Variants in SEC14L4 observed in about 807,000 individuals in gnomAD.
SEC14L4 encodes the protein SEC14-like protein 4.
In SEC14L4, 42 loss-of-function variants were observed where a neutral mutation model predicts 55.1. The observed-to-expected ratio is 0.76, with a 90% confidence interval of 0.60 to 0.99. The LOEUF (loss-of-function observed/expected upper bound fraction) is 0.99, where lower values mean the gene tolerates loss of function less well. SEC14L4 is among the 50% of genes least tolerant of loss of function. The pLI is 0.00. For missense variants in SEC14L4, 445 were observed against 512.1 expected (o/e 0.87, Z 1.27); for synonymous variants, 206 against 206.8 (o/e 1.00, Z 0.03).
intron 11 of SEC14L4, among the ~76,000 whole-genome samples, chr22:30,491,224 G>A (rs1935939729): frequency 6.6e-6 from 1 of 152,170 alleles, no homozygotes; most frequent in South Asian, 2.1e-4. Flanking sequence ...TCACCTCTTT[G>A]GGACTCCTGG....
intron 2 of SEC14L4, among the ~76,000 whole-genome samples, chr22:30,502,410 T>G (rs1419660210): frequency 1.3e-5 from 2 of 152,200 alleles, no homozygotes; most frequent in Non-Finnish European, 2.9e-5. Context: ...CTCTGCCCAA[T>G]TCCAAAGCCA....
intron 3 of SEC14L4, 81 bp downstream of exon 3, chr22:30,495,847 G>T: frequency 6.3e-7 from 1 of 1,590,642 alleles, no homozygotes; most frequent in Non-Finnish European, 8.6e-7. Flanking sequence ...ATGGGACAGG[G>T]CCAGAGTCTC....
intron 8 of SEC14L4, 67 bp from the exon 9 acceptor site, chr22:30,492,222 A>T (rs1935986738): frequency 6.4e-7 from 1 of 1,550,966 alleles, no homozygotes; most frequent in Middle Eastern, 2.0e-4. Flanking sequence ...GAGGGGGCTG[A>T]GCTTGGTGAG....
chr22:30,502,741 A>G (rs1453135737), intron 2 of SEC14L4, among the ~76,000 whole-genome samples: 1 of 151,600 alleles, frequency 6.6e-6, no homozygotes, highest in Non-Finnish European at 1.5e-5. Context: ...TGTAGAGATG[A>G]GGTTTCGCCA....
intron 2 of SEC14L4, among the ~76,000 whole-genome samples, chr22:30,498,010 A>G (rs536993032): frequency 3.9e-5 from 6 of 151,906 alleles, no homozygotes; most frequent in African/African-American, 1.4e-4. Context: ...GCAGTTCTAT[A>G]TACTTCAGAG....
Position 30,492,459 on chromosome 22 carries a change from G to C in SEC14L4, c.664+15C>G. Reference sequence around the variant, plus strand: ...CCCAGGCAGATGGACACAACCAGGGGGCCACGTCGCTCACCTCCCAGAATC... The same window carrying C: ...CCCAGGCAGATGGACACAACCAGGGCGCCACGTCGCTCACCTCCCAGAATC... On this transcript the variant is annotated intron_variant, in intron 8 of 11. Coordinates refer to ENST00000255858, the MANE Select transcript of SEC14L4 (RefSeq NM_174977.4). 6.2e-7 allele frequency: 1 copy of C among 1,606,790 alleles called. No individual in the cohort carries two copies.
At chr22:30,505,480 G>T in intron 1 of SEC14L4, 78 bp downstream of exon 1, 1 of 1,394,492 alleles carries the variant, frequency 7.2e-7, no homozygotes, top group South Asian at 1.2e-5. Context: ...TCTGTACCAT[G>T]GGGGCTCCAG....
Position 30,495,275 on chromosome 22 carries a change from C to G in SEC14L4, c.402G>C (p.Glu134Asp), listed in dbSNP as rs145035807. 3.7e-6 allele frequency: 6 copies of G among 1,611,996 alleles called. No individual in the cohort carries two copies. In the African/African-American group the frequency reaches 5.3e-5, roughly 14 times the overall value. ...RIKVCELLLH[E>D]CELQTQKLGR... ...TCACCTTCTGAGTTTGCAGCTCACA[C>G]TCATGCAACAGCAGCTCACAGACTT... The change falls in exon 5 of 12, where the codon GAG becomes GAC. Residue 134 changes from glutamate to aspartate, a missense_variant. By Grantham distance (45) the Glu-to-Asp change is conservative (BLOSUM62 2). Coordinates refer to ENST00000255858, the MANE Select transcript of SEC14L4 (RefSeq NM_174977.4).
intron 11 of SEC14L4, among the ~76,000 whole-genome samples, chr22:30,490,892 G>A (rs1344790082): frequency 6.6e-6 from 1 of 152,168 alleles, no homozygotes; most frequent in Non-Finnish European, 1.5e-5. Flanking sequence ...TACATAAGCC[G>A]CTTTCCGTCT....
intron 1 of SEC14L4, among the ~76,000 whole-genome samples, chr22:30,504,300 C>T (rs1936425646): frequency 6.6e-6 from 1 of 150,408 alleles, no homozygotes; most frequent in African/African-American, 2.4e-5. Context: ...AACAATCCAC[C>T]CGCCTTAGTA....
chr22:30,497,762 A>G (rs1048899585), intron 2 of SEC14L4, among the ~76,000 whole-genome samples: 4 of 152,174 alleles, frequency 2.6e-5, no homozygotes, highest in African/African-American at 9.6e-5. Flanking sequence ...AAGTTCACCT[A>G]TGCGATCTTT....
intron 4 of SEC14L4, 49 bp from the exon 5 acceptor site, chr22:30,495,491 T>A: frequency 6.2e-7 from 1 of 1,609,156 alleles, no homozygotes; most frequent in South Asian, 1.1e-5. Context: ...CCAGGCTGGG[T>A]CCCTACTCCA....
At chr22:30,491,329 C>T (rs1368047418) in intron 11 of SEC14L4, 2 of 564,098 alleles carry the variant, frequency 3.5e-6, no homozygotes, top group Non-Finnish European at 3.1e-6. Flanking sequence ...GTCCAGTGAT[C>T]CCGGTATAGG....
chr22:30,491,986 G>A lies in SEC14L4; in HGVS notation c.772-13C>T, dbSNP rs1035241256. 5.0e-6 allele frequency: 8 copies of A among 1,613,816 alleles called. No homozygotes were observed. Among genetic ancestry groups the A allele is most frequent in the African/African-American group, 1.3e-5 (1 of 74,918 alleles). On this transcript the variant is annotated splice_polypyrimidine_tract_variant and intron_variant, in intron 9 of 11. Coordinates refer to ENST00000255858, the MANE Select transcript of SEC14L4 (RefSeq NM_174977.4). The stretch of plus-strand genomic sequence containing the variant: ...CCCCATAGTTGATCTGTGGGTGAAG[G>A]GGGTGTGTGGGCACTAGATCACAGC...
Position 30,489,793 on chromosome 22 carries a change from G to T in SEC14L4, c.*314C>A. Reference sequence around the variant, plus strand: ...GTCCTGGGTGGCTGGATCTTGTCAAGATGGGTGAAAGGGCAGCTTCTGCAA... The same window carrying T: ...GTCCTGGGTGGCTGGATCTTGTCAATATGGGTGAAAGGGCAGCTTCTGCAA... On this transcript the variant is annotated 3_prime_UTR_variant, in exon 12 of 12. Coordinates refer to ENST00000255858, the MANE Select transcript of SEC14L4 (RefSeq NM_174977.4). The T allele has an allele frequency of 6.9e-7, 1 of 1,439,284 alleles. No homozygotes were observed. Among genetic ancestry groups the T allele is most frequent in the Non-Finnish European group, 9.6e-7 (1 of 1,044,442 alleles). The allele number at this position is 1,439,284 out of a possible 1,614,324, so 89.2% of individuals were successfully genotyped here. A position where few individuals can be genotyped will look rare whatever the true frequency, so the allele number is the denominator to read the frequency against.
rs1372192008 is a variant in SEC14L4, at chr22:30,491,850, G to C, written c.895C>G (p.Pro299Ala). 4 of 1,612,008 alleles carry C rather than the reference G, an allele frequency of 2.5e-6. No individual in the cohort carries two copies. Among genetic ancestry groups the C allele is most frequent in the Non-Finnish European group, 3.4e-6 (4 of 1,179,438 alleles). Residue 299 changes from proline to alanine, a missense_variant, in exon 10 of 12, where the codon CCG becomes GCG. Physicochemically the swap from Pro to Ala is conservative, Grantham distance 27. Coordinates refer to ENST00000255858, the MANE Select transcript of SEC14L4 (RefSeq NM_174977.4). Reference sequence around the variant, plus strand: ...CATCCCTACCTGAGCACACAGCCCGGGAACAGGATCTCGTTCTCCACCTGC... The same window carrying C: ...CATCCCTACCTGAGCACACAGCCCGCGAACAGGATCTCGTTCTCCACCTGC... ...SLQVENEILF[P>A]GCVLRWQFAS...
intron 2 of SEC14L4, among the ~76,000 whole-genome samples, chr22:30,500,491 C>G (rs1300038079): frequency 6.6e-6 from 1 of 151,942 alleles, no homozygotes; most frequent in Non-Finnish European, 1.5e-5. Flanking sequence ...CTCAGCCTCC[C>G]GAATAGCTGG....
rs777652883 is a variant in SEC14L4, at chr22:30,495,946, G to A, written c.156C>T (p.Ser52=). Residue 52 remains serine (S), a synonymous_variant, in exon 3 of 12, where the codon TCC becomes TCT. Coordinates refer to ENST00000255858, the MANE Select transcript of SEC14L4 (RefSeq NM_174977.4). ...LRARNFDLQK[S]EDMLRRHMEF... is the part of the protein sequence containing the mutation. ...TCCTTACCCTTCGGAGCATGTCTTC[G>A]GATTTCTGCAGGTCAAAGTTTCGAG... is the stretch of plus-strand genomic sequence containing the variant. 16 of 1,613,860 alleles carry A rather than the reference G, an allele frequency of 9.9e-6. No homozygotes were observed. Among genetic ancestry groups the A allele is most frequent in the East Asian group, 4.5e-5 (2 of 44,888 alleles).
chr22:30,502,582 A>C (rs1160110217), intron 2 of SEC14L4, among the ~76,000 whole-genome samples: 1 of 151,866 alleles, frequency 6.6e-6, no homozygotes, highest in African/African-American at 2.4e-5. Flanking sequence ...ATGGGGTTTC[A>C]CTCTGTCGCC....
Sources: allele counts gnomAD v4.1 joint callset (sites outside exome capture counted in the v4.1 genomes callset), GRCh38; gene constraint gnomAD v4.1.1; transcripts MANE v1.5; gene names NCBI Gene and HGNC (gene_info 2026-07-23, HGNC 2026-07-21).